ARCN1: variants seen among roughly 807,000 people sequenced by gnomAD.
ARCN1 encodes archain 1 coat protein complex I subunit delta.
ARCN1 carries 5 observed loss-of-function variants against 60.4 expected under a neutral mutation model. That is an observed-to-expected ratio of 0.08 (90% CI 0.04 to 0.17). ARCN1 has a LOEUF of 0.17. Ranked by LOEUF, ARCN1 falls within the 10% of genes least tolerant of loss-of-function variation. ARCN1 has a pLI of 1.00. For missense variants in ARCN1, 464 were observed against 626.5 expected (o/e 0.74, Z 2.77); for synonymous variants, 224 against 220.0 (o/e 1.02, Z -0.16).
intron 8 of ARCN1, chr11:118,593,969 T>C (rs1938970876): frequency 3.4e-6 from 1 of 297,248 alleles, no homozygotes; most frequent in Middle Eastern, 1.1e-3. Flanking sequence ...TTGGGAATGA[T>C]AGGAATGTTC....
intron 5 of ARCN1, among the ~76,000 whole-genome samples, chr11:118,588,772 C>T (rs1555075834): frequency 7.9e-5 from 12 of 151,850 alleles, no homozygotes; most frequent in Non-Finnish European, 1.5e-5. Flanking sequence ...AATCCCAACA[C>T]TTCGGGAGGC....
chr11:118,576,075 T>G (rs570984566), intron 1 of ARCN1, among the ~76,000 whole-genome samples: 1 of 152,144 alleles, frequency 6.6e-6, no homozygotes, highest in South Asian at 2.1e-4. Context: ...CCTCCTATGT[T>G]AGGGATATTT....
intron 6 of ARCN1, among the ~76,000 whole-genome samples, chr11:118,592,016 G>T (rs944141635): frequency 1.3e-5 from 2 of 151,790 alleles, no homozygotes; most frequent in Admixed American, 6.6e-5. Context: ...TGCCTCCCGG[G>T]TTCAAGCCAT....
intron 1 of ARCN1, among the ~76,000 whole-genome samples, chr11:118,577,160 T>C (rs1591380861): frequency 6.6e-6 from 1 of 152,252 alleles, no homozygotes; most frequent in African/African-American, 2.4e-5. Context: ...GCACTACAGC[T>C]TGGGCAATAG....
intron 4 of ARCN1, 27 bp downstream of exon 4, chr11:118,584,041 C>T: frequency 6.2e-7 from 1 of 1,603,228 alleles, no homozygotes; most frequent in Non-Finnish European, 8.5e-7. Context: ...TTTAGAATAC[C>T]AGGTGAAGGG....
At position 118,581,635 on chromosome 11, in the gene ARCN1, TTGC is replaced by T. The variant is rs1938652188; in HGVS notation, c.267+130_267+132del. On this transcript the variant is annotated intron_variant, in intron 2 of 9. Coordinates refer to ENST00000264028, the MANE Select transcript of ARCN1 (RefSeq NM_001655.5). The stretch of plus-strand genomic sequence containing the variant: ...TCCTACTCCGCACCCCAGCGACTTA[TTGC>T]TGCAGCACCTTGTTTATTCAGCAGA... 5 of 883,098 alleles carry T rather than the reference TTGC, an allele frequency of 5.7e-6. No individual in the cohort carries two copies. The African/African-American group carries it at 6.8e-5, about 12-fold the overall frequency. 54.7% of individuals were successfully genotyped at this position (883,098 alleles called of 1,614,324 possible). A position where few individuals can be genotyped will look rare whatever the true frequency, so the allele number is the denominator to read the frequency against.
Position 118,583,999 on chromosome 11 carries a change from C to T in ARCN1, c.638C>T (p.Ala213Val). 2 of 1,614,154 alleles carry T rather than the reference C, an allele frequency of 1.2e-6. No homozygotes were observed. The highest frequency in any genetic ancestry group is 2.2e-5 in the East Asian group (1 of 44,878). The change falls in exon 4 of 10, where the codon GCA becomes GTA. Residue 213 changes from alanine (A) to valine (V), a missense_variant. Physicochemically the swap from Ala to Val is moderately conservative, Grantham distance 64 (BLOSUM62 0). This residue lies in a region of ARCN1 where 359 missense variants were observed against 440.2 expected (regional missense o/e 0.82). Transcript: ENST00000264028. The stretch of plus-strand genomic sequence containing the variant: ...ATTGAAACTGATAAACCAAAAGTGG[C>T]ACCTGCACCAGCCAGGTATAATCCA... ...TIIETDKPKVAPAPARPSGPS... is the reference protein window; with the variant it reads ...TIIETDKPKVVPAPARPSGPS...
At chr11:118,589,659 G>T (rs1938853807) in intron 5 of ARCN1, among the ~76,000 whole-genome samples, 1 of 152,198 alleles carries the variant, frequency 6.6e-6, no homozygotes, top group Non-Finnish European at 1.5e-5. Flanking sequence ...CTGACCTCGT[G>T]ATCTACCCGC....
chr11:118,599,597 T>G lies in ARCN1; in HGVS notation c.1447-1028T>G, dbSNP rs1191727196. Among the ~76,000 whole-genome samples the G allele has an allele frequency of 2.6e-5, 4 of 151,668 alleles. No homozygotes were observed. In the East Asian group the frequency reaches 7.8e-4, roughly 29 times the overall value. On this transcript the variant is annotated intron_variant, in intron 9 of 9. Transcript: ENST00000264028. ...TGTACTGCCACACCCAGCTAATTTT[T>G]TTTTGTATTTTTAGTAGAGATGGGG...
At chr11:118,574,271 G>A (rs141745700) in intron 1 of ARCN1, among the ~76,000 whole-genome samples, 4 of 152,040 alleles carry the variant, frequency 2.6e-5, no homozygotes, top group African/African-American at 9.7e-5. Flanking sequence ...TTAAGACATT[G>A]GTATGATTTC....
At chr11:118,581,578 C>T in intron 2 of ARCN1, 69 bp downstream of exon 2, 1 of 1,514,072 alleles carries the variant, frequency 6.6e-7, no homozygotes, top group African/African-American at 1.4e-5. Context: ...AGTTTTTCCT[C>T]CAAAGCAGCT....
Position 118,572,537 on chromosome 11 carries a change from C to T in ARCN1, c.-11C>T. 1.9e-6 allele frequency: 3 copies of T among 1,611,618 alleles called. No individual in the cohort carries two copies. Among genetic ancestry groups the T allele is most frequent in the Non-Finnish European group, 2.5e-6 (3 of 1,179,270 alleles). Reference sequence around the variant, plus strand: ...GCCGGAGTGCGGGCGCGCCCCACCACCGCCCTCACCATGGTAAGATCCGAG... The same window carrying T: ...GCCGGAGTGCGGGCGCGCCCCACCATCGCCCTCACCATGGTAAGATCCGAG... On this transcript the variant is annotated 5_prime_UTR_variant, in exon 1 of 10. Transcript: ENST00000264028.
At chr11:118,594,975 A>G (rs1479118993) in intron 8 of ARCN1, among the ~76,000 whole-genome samples, 1 of 151,386 alleles carries the variant, frequency 6.6e-6, no homozygotes, top group Non-Finnish European at 1.5e-5. Context: ...TCAGTCTCCC[A>G]AGTAGCTGGG....
intron 1 of ARCN1, chr11:118,573,597 CT>C (rs1292870431): frequency 1.5e-6 from 1 of 685,386 alleles, no homozygotes; most frequent in Non-Finnish European, 2.7e-6. Flanking sequence ...CTGTTCTGTT[CT>C]TTTTTATTCT....
intron 5 of ARCN1, among the ~76,000 whole-genome samples, chr11:118,585,941 TC>T (rs1555075437): frequency 6.6e-6 from 1 of 152,248 alleles, no homozygotes; most frequent in Non-Finnish European, 1.5e-5. Context: ...GTGGTAGTTA[TC>T]AAGTTCACAT....
At chr11:118,575,865 A>G (rs548237038) in intron 1 of ARCN1, among the ~76,000 whole-genome samples, 12 of 152,210 alleles carry the variant, frequency 7.9e-5, no homozygotes, top group South Asian at 2.1e-4. Context: ...TGGTTAGACA[A>G]TTTGCCTTCT....
chr11:118,592,663 C>T (rs1441689804), intron 6 of ARCN1, 46 bp from the exon 7 acceptor site: 8 of 1,545,934 alleles, frequency 5.2e-6, no homozygotes, highest in Non-Finnish European at 7.1e-6. Flanking sequence ...GGGGTTGTTT[C>T]TCGTCTATCT....
chr11:118,593,721 C>G, intron 8 of ARCN1, 23 bp downstream of exon 8: 3 of 1,516,484 alleles, frequency 2.0e-6, no homozygotes, highest in Non-Finnish European at 2.7e-6. Context: ...CCTGTGTCCT[C>G]TACGGTGGAC....
At chr11:118,581,933 G>GACACACAC (rs1161304214) in intron 2 of ARCN1, among the ~76,000 whole-genome samples, 23 of 132,224 alleles carry the variant, frequency 1.7e-4, no homozygotes, top group African/African-American at 6.5e-4. Context: ...CAGACAGACA[G>GACACACAC]ACAGACACAC....
Sources: allele counts gnomAD v4.1 joint callset (sites outside exome capture counted in the v4.1 genomes callset), GRCh38; gene constraint gnomAD v4.1.1; regional missense constraint gnomAD v4.1.1; transcripts MANE v1.5; gene names NCBI Gene and HGNC (gene_info 2026-07-23, HGNC 2026-07-21).